CLCA2: variants seen among roughly 807,000 people sequenced by gnomAD.
CLCA2 encodes calcium-activated chloride channel regulator 2.
CLCA2 carries 85 observed loss-of-function variants against 82.9 expected under a neutral mutation model. The observed-to-expected ratio is 1.03, with a 90% CI of 0.86 to 1.23. The LOEUF (loss-of-function observed/expected upper bound fraction) is 1.23. Ranked by LOEUF, CLCA2 falls within the 50% of genes most tolerant of loss-of-function variation. The probability of loss-of-function intolerance (pLI) is 0.00; values close to 1 mark genes in which losing one functional copy is unlikely to be tolerated. For synonymous variants in CLCA2, 421 were observed against 391.7 expected, an observed-to-expected ratio of 1.07 and a Z score of -0.88; for missense variants, 1,089 against 1,124.8, an observed-to-expected ratio of 0.97 and a Z score of 0.45.
At position 86,428,435 on chromosome 1, in the gene CLCA2, T is replaced by G; in HGVS notation, c.342T>G (p.Thr114=). The part of the protein sequence containing the change: ...ESYEKANVIV[T]DWYGAHGDDP... Reference sequence around the variant, plus strand: ...TAATTTAGGCAAATGTCATAGTGACTGACTGGTATGGGGCACATGGAGATG... The same window carrying G: ...TAATTTAGGCAAATGTCATAGTGACGGACTGGTATGGGGCACATGGAGATG... Residue 114 remains threonine, a synonymous_variant, in exon 3 of 14, where the codon ACT becomes ACG. Coordinates refer to ENST00000370565, the MANE Select transcript of CLCA2 (RefSeq NM_006536.7). 1 of 1,601,978 alleles carries G rather than the reference T, an allele frequency of 6.2e-7. No individual in the cohort carries two copies. Among genetic ancestry groups the G allele is most frequent in the Middle Eastern group, 1.7e-4 (1 of 6,004 alleles).
chr1:86,450,435 G>T, intron 11 of CLCA2, 128 bp from the exon 12 acceptor site: 1 of 645,544 alleles, frequency 1.5e-6, no homozygotes, highest in Non-Finnish European at 2.4e-6. Flanking sequence ...AATGTAAAAA[G>T]TAGATAAGAG....
In CLCA2 at chr1:86,432,465, C is replaced by G. The variant is rs1362644828; in HGVS notation, c.681C>G (p.Thr227=). ...IISKLFKEGC[T]FIYNSTQNAT... ...GTAAGCTTTTTAAAGAAGGATGCACCTTTATCTACAATAGCACCCAAAATG... is the reference window on the plus strand; with the variant it reads ...GTAAGCTTTTTAAAGAAGGATGCACGTTTATCTACAATAGCACCCAAAATG... Residue 227 remains threonine (T), a synonymous_variant, in exon 5 of 14, where the codon ACC becomes ACG. Transcript: ENST00000370565. 1.2e-6 allele frequency: 2 copies of G among 1,613,876 alleles called. No homozygotes were observed. Among genetic ancestry groups the G allele is most frequent in the Non-Finnish European group, 1.7e-6 (2 of 1,179,974 alleles).
intron 10 of CLCA2, 88 bp downstream of exon 10, chr1:86,444,099 A>G: frequency 1.2e-6 from 1 of 859,766 alleles, no homozygotes; most frequent in Non-Finnish European, 1.8e-6. Flanking sequence ...CATTGTGTAA[A>G]GAAAATCTTG....
At chr1:86,444,686 G>A (rs1193293423) in intron 10 of CLCA2, among the ~76,000 whole-genome samples, 7 of 152,260 alleles carry the variant, frequency 4.6e-5, no homozygotes, top group Admixed American at 1.3e-4. Context: ...GAAGGAGAGG[G>A]GAGTAGTGAG....
At chr1:86,434,005 T>TG (rs3835426) in intron 5 of CLCA2, among the ~76,000 whole-genome samples, 91,773 of 150,984 alleles carry the variant, frequency 0.61, 28,170 homozygotes, top group Non-Finnish European at 0.66. Flanking sequence ...TGAGTGGGGG[T>TG]GGGGGATCAG....
chr1:86,434,076 G>GA (rs1558105671), intron 5 of CLCA2, among the ~76,000 whole-genome samples: 2 of 152,086 alleles, frequency 1.3e-5, no homozygotes, highest in Non-Finnish European at 1.5e-5. Context: ...ATTTGAGGTA[G>GA]AAAAATATAT....
At chr1:86,446,369 A>G (rs1233908851) in intron 10 of CLCA2, among the ~76,000 whole-genome samples, 1 of 151,606 alleles carries the variant, frequency 6.6e-6, no homozygotes, top group Non-Finnish European at 1.5e-5. Flanking sequence ...TTTTCTCCAA[A>G]TTCATCATGT....
rs1380592430 is a variant in CLCA2, at chr1:86,425,391, T to C, written c.239T>C (p.Val80Ala). The C allele has an allele frequency of 1.9e-6, 3 of 1,579,790 alleles. No homozygotes were observed. Among genetic ancestry groups the C allele is most frequent in the African/African-American group, 2.7e-5 (2 of 73,980 alleles). Residue 80 changes from valine to alanine, a missense_variant, in exon 2 of 14, where the codon GTA becomes GCA. Transcript: ENST00000370565. ...CTATTTAATGCTACCAAGAGAAGAG[T>C]ATTTTTCAGAAATATAAAGATTTTA... ...FYLFNATKRR[V>A]FFRNIKILIP...
intron 2 of CLCA2, among the ~76,000 whole-genome samples, chr1:86,427,409 AT>A (rs1662409722): frequency 6.6e-6 from 1 of 152,136 alleles, no homozygotes; most frequent in Non-Finnish European, 1.5e-5. Flanking sequence ...CTAAAAATAA[AT>A]GTTAATTATT....
chr1:86,428,427 A>G lies in CLCA2; in HGVS notation c.334A>G (p.Ile112Val). The G allele has an allele frequency of 1.9e-6, 3 of 1,599,948 alleles. No individual in the cohort carries two copies. The highest frequency in any genetic ancestry group is 2.6e-6 in the Non-Finnish European group (3 of 1,173,606). The change falls in exon 3 of 14, where the codon ATA (isoleucine) becomes GTA (valine). Residue 112 changes from isoleucine (I) to valine (V), a missense_variant. Physicochemically the swap from Ile to Val is conservative, Grantham distance 29. Transcript: ENST00000370565. ...KQESYEKANV[I>V]VTDWYGAHGD... ...ATTTCTTTTAATTTAGGCAAATGTCATAGTGACTGACTGGTATGGGGCACA... is the reference window on the plus strand; with the variant it reads ...ATTTCTTTTAATTTAGGCAAATGTCGTAGTGACTGACTGGTATGGGGCACA...
Position 86,439,003 on chromosome 1 carries a change from T to A in CLCA2, c.1100T>A (p.Ile367Asn), listed in dbSNP as rs1389296216. Reference protein sequence around the residue: ...KGEIRAQLHQINSNDDRKLLV... With the variant: ...KGEIRAQLHQNNSNDDRKLLV... ...GAGATCAGAGCCCAGCTACACCAAATTAACAGCAATGATGATCGAAAGTTG... is the reference window on the plus strand; with the variant it reads ...GAGATCAGAGCCCAGCTACACCAAAATAACAGCAATGATGATCGAAAGTTG... The change falls in exon 7 of 14, where the codon ATT becomes AAT. Residue 367 changes from isoleucine to asparagine, a missense_variant. By Grantham distance (149) the Ile-to-Asn change is moderately radical (BLOSUM62 -3). Coordinates refer to ENST00000370565, the MANE Select transcript of CLCA2 (RefSeq NM_006536.7). 3.1e-6 allele frequency: 5 copies of A among 1,614,010 alleles called. No homozygotes were observed. The highest frequency in any genetic ancestry group is 4.2e-6 in the Non-Finnish European group (5 of 1,180,010).
At chr1:86,440,001 T>G (rs762405381) in intron 7 of CLCA2, 147 bp from the exon 8 acceptor site, 2 of 695,434 alleles carry the variant, frequency 2.9e-6, no homozygotes, top group South Asian at 1.8e-5. Flanking sequence ...GGGTGACAAG[T>G]GCTGTGATGG....
chr1:86,428,507 CA>C lies in CLCA2; in HGVS notation c.415del (p.Ile139PhefsTer9). ...YRGCGKEGKY[I>X]HFTPNFLLND... The stretch of plus-strand genomic sequence containing the variant: ...GAGGGTGTGGAAAAGAGGGAAAATA[CA>C]TTCATTTCACACCTAATTTCCTACT... On this transcript the variant is annotated frameshift_variant, in exon 3 of 14. Coordinates refer to ENST00000370565, the MANE Select transcript of CLCA2 (RefSeq NM_006536.7). LOFTEE classifies it high-confidence loss of function. 4 of 1,613,752 alleles carry C rather than the reference CA, an allele frequency of 2.5e-6. No homozygotes were observed. The highest frequency in any genetic ancestry group is 3.4e-6 in the Non-Finnish European group (4 of 1,179,766).
In CLCA2 at chr1:86,450,721, T is replaced by C. The variant is rs1662946968; in HGVS notation, c.2143T>C (p.Tyr715His). Reference protein sequence around the residue: ...PGSHAMYVPGYTANGNIQMNA... With the variant: ...PGSHAMYVPGHTANGNIQMNA... ...GAGTCATGCTATGTATGTACCAGGT[T>C]ACACAGCAAACGGTAAGAACCATTA... The change falls in exon 12 of 14, where the codon TAC (tyrosine) becomes CAC (histidine). Residue 715 changes from tyrosine (Y) to histidine (H), a missense_variant. Physicochemically the swap from Tyr to His is moderately conservative, Grantham distance 83 (BLOSUM62 2). Coordinates refer to ENST00000370565, the MANE Select transcript of CLCA2 (RefSeq NM_006536.7). 7 of 1,602,138 alleles carry C rather than the reference T, an allele frequency of 4.4e-6. No homozygotes were observed. Among genetic ancestry groups the C allele is most frequent in the Non-Finnish European group, 6.0e-6 (7 of 1,174,300 alleles).
At chr1:86,442,371 T>C (rs904359433) in intron 9 of CLCA2, among the ~76,000 whole-genome samples, 12 of 152,146 alleles carry the variant, frequency 7.9e-5, no homozygotes, top group East Asian at 1.9e-4. Context: ...TCTGCAACAA[T>C]AGGGAATAAA....
At chr1:86,443,586 G>A (rs1045540940) in intron 9 of CLCA2, among the ~76,000 whole-genome samples, 5 of 152,056 alleles carry the variant, frequency 3.3e-5, no homozygotes, top group Admixed American at 2.0e-4. Flanking sequence ...ACAACAAAAT[G>A]TTTTATACCT....
chr1:86,432,297 A>G (rs1662516474), intron 4 of CLCA2, 72 bp from the exon 5 acceptor site: 1 of 1,536,714 alleles, frequency 6.5e-7, no homozygotes, highest in Non-Finnish European at 8.9e-7. Context: ...TAATAATTAT[A>G]TAAGCTAGTC....
At chr1:86,453,321 A>C in intron 12 of CLCA2, 48 bp from the exon 13 acceptor site, 1 of 1,454,758 alleles carries the variant, frequency 6.9e-7, no homozygotes, top group Non-Finnish European at 9.6e-7. Flanking sequence ...AGCTATTCAG[A>C]AGCTTTGTAA....
intron 5 of CLCA2, 135 bp from the exon 6 acceptor site, chr1:86,434,383 G>A: frequency 1.5e-6 from 1 of 661,406 alleles, no homozygotes; most frequent in South Asian, 2.0e-5. Context: ...GAAGGAAAGA[G>A]GTATATCACT....
Sources: gnomAD v4.1 joint callset for allele counts (sites outside exome capture counted in the v4.1 genomes callset) on GRCh38, gnomAD v4.1.1 for gene constraint, MANE v1.5 for transcripts, NCBI Gene and HGNC (gene_info 2026-07-23, HGNC 2026-07-21) for gene names.